The following TEX11 variants were observed in gnomAD, a reference collection of about 807,000 sequenced individuals.
TEX11 encodes testis expressed 11, also known as testis-expressed protein 11.
TEX11 carries 7 observed loss-of-function variants against 84.4 expected under a neutral mutation model. That is an observed-to-expected ratio of 0.08 (90% CI 0.05 to 0.16). The LOEUF (loss-of-function observed/expected upper bound fraction) is 0.16. Ranked by LOEUF, TEX11 falls within the 10% of genes least tolerant of loss-of-function variation. TEX11 has a pLI of 1.00. For synonymous variants in TEX11, 264 were observed against 222.8 expected (o/e 1.18, Z -1.64); for missense variants, 551 against 660.5 (o/e 0.83, Z 1.82).
At chrX:70,650,241 A>G (rs2089795674) in intron 17 of TEX11, among the ~76,000 whole-genome samples, 1 of 111,169 alleles carries the variant, frequency 9.0e-6, no homozygotes. Context: ...AATTTTTAAC[A>G]TATATAAACC....
intron 2 of TEX11, among the ~76,000 whole-genome samples, chrX:70,890,470 C>T (rs193175138): frequency 7.8e-4 from 88 of 112,126 alleles, no homozygotes; most frequent in African/African-American, 2.7e-3. Flanking sequence ...CCATGACAGA[C>T]GGTACCTGGA....
At chrX:70,688,710 G>T (rs901498447) in intron 13 of TEX11, among the ~76,000 whole-genome samples, 1 of 107,819 alleles carries the variant, frequency 9.3e-6, no homozygotes, top group African/African-American at 3.4e-5. Flanking sequence ...AAAATCCACA[G>T]GACTTTACCA....
At chrX:70,664,666 T>C (rs1358716482) in intron 16 of TEX11, among the ~76,000 whole-genome samples, 1 of 110,959 alleles carries the variant, frequency 9.0e-6, no homozygotes, top group African/African-American at 3.3e-5. Context: ...TTCTACTTAT[T>C]CTATAGTGCT....
intron 12 of TEX11, among the ~76,000 whole-genome samples, chrX:70,725,050 TAA>T: frequency 9.5e-6 from 1 of 105,150 alleles, no homozygotes; most frequent in African/African-American, 3.4e-5. Flanking sequence ...CAGCTTTTTT[TAA>T]AAAAAAAAAC....
chrX:70,740,983 T>C (rs1328318967), intron 10 of TEX11, among the ~76,000 whole-genome samples, 187 bp from the exon 11 acceptor site: 2 of 111,428 alleles, frequency 1.8e-5, no homozygotes, highest in Non-Finnish European at 3.8e-5. Flanking sequence ...TAAAATATTG[T>C]CTAAGAATGT....
chrX:70,715,490 C>G (rs2090488938), intron 13 of TEX11, among the ~76,000 whole-genome samples: 1 of 111,492 alleles, frequency 9.0e-6, no homozygotes, highest in African/African-American at 3.3e-5. Flanking sequence ...TTTTTCATTT[C>G]TTTGTATTCT....
At chrX:70,676,407 T>C (rs1341713746) in intron 15 of TEX11, among the ~76,000 whole-genome samples, 1 of 112,462 alleles carries the variant, frequency 8.9e-6, no homozygotes, top group African/African-American at 3.2e-5. Context: ...TCTTTCATTA[T>C]TTTAAAGATG....
intron 4 of TEX11, among the ~76,000 whole-genome samples, chrX:70,872,501 T>A (rs2091634632): frequency 8.9e-6 from 1 of 112,477 alleles, no homozygotes; most frequent in Admixed American, 9.4e-5. Context: ...GTATGTTACT[T>A]CAATGTATCC....
intron 17 of TEX11, among the ~76,000 whole-genome samples, chrX:70,645,081 C>A (rs941897742): frequency 2.7e-4 from 30 of 109,105 alleles, no homozygotes; most frequent in Non-Finnish European, 4.2e-4. Context: ...CATATAAAAC[C>A]GAGATGGAAT....
At chrX:70,810,113 A>G (rs2091243531) in intron 8 of TEX11, among the ~76,000 whole-genome samples, 1 of 111,825 alleles carries the variant, frequency 8.9e-6, no homozygotes, top group Non-Finnish European at 1.9e-5. Context: ...ACGACAGTTA[A>G]AATGGTGATC....
At chrX:70,597,684 G>A (rs1207698811) in intron 24 of TEX11, among the ~76,000 whole-genome samples, 1 of 111,337 alleles carries the variant, frequency 9.0e-6, no homozygotes, top group African/African-American at 3.3e-5. Context: ...AAAACATTGA[G>A]GTAAACCTTC....
At chrX:70,844,623 A>T (rs920405990) in intron 7 of TEX11, among the ~76,000 whole-genome samples, 7 of 110,131 alleles carry the variant, frequency 6.4e-5, no homozygotes, top group Non-Finnish European at 9.5e-5. Context: ...ATAATAAAAT[A>T]AAAAAAAAGA....
At chrX:70,876,560 A>G (rs965686898) in intron 3 of TEX11, among the ~76,000 whole-genome samples, 4 of 111,799 alleles carry the variant, frequency 3.6e-5, no homozygotes, top group African/African-American at 1.3e-4. Flanking sequence ...ACAGAAGTAA[A>G]TAATATGAAG....
intron 28 of TEX11, among the ~76,000 whole-genome samples, chrX:70,541,313 G>A (rs1569316014): frequency 2.7e-5 from 3 of 111,836 alleles, no homozygotes; most frequent in East Asian, 2.8e-4. Context: ...TAGATTTGCG[G>A]TTGTCAGGGT....
intron 2 of TEX11, among the ~76,000 whole-genome samples, chrX:70,904,379 T>C (rs989619452): frequency 8.1e-5 from 9 of 111,701 alleles, no homozygotes; most frequent in African/African-American, 2.6e-4. Context: ...GATGATAACA[T>C]TTGGGAAAAT....
intron 13 of TEX11, among the ~76,000 whole-genome samples, chrX:70,692,409 C>T (rs1366484201): frequency 2.7e-5 from 3 of 110,861 alleles, no homozygotes; most frequent in Non-Finnish European, 3.8e-5. Flanking sequence ...AAACTTTATA[C>T]GTATTGAGCA....
At chrX:70,590,658 T>C (rs1288429549) in intron 25 of TEX11, among the ~76,000 whole-genome samples, 3 of 112,193 alleles carry the variant, frequency 2.7e-5, no homozygotes, top group African/African-American at 9.7e-5. Context: ...CCATATTTAA[T>C]CAGGAAATAG....
chrX:70,639,621 A>G (rs1161658576), intron 17 of TEX11, among the ~76,000 whole-genome samples: 1 of 111,499 alleles, frequency 9.0e-6, no homozygotes, highest in Non-Finnish European at 1.9e-5. Context: ...CCTGACCCCC[A>G]AGCAGCCTAA....
At chrX:70,720,773 A>AATAT (rs58118818) in intron 13 of TEX11, among the ~76,000 whole-genome samples, 1,014 of 96,220 alleles carry the variant, frequency 0.011, 18 homozygotes, top group African/African-American at 0.034. Flanking sequence ...ACATATATAT[A>AATAT]ATATATATAT....
Sources: gnomAD v4.1 joint callset for allele counts (sites outside exome capture counted in the v4.1 genomes callset) on GRCh38, gnomAD v4.1.1 for gene constraint, MANE v1.5 for transcripts, NCBI Gene and HGNC (gene_info 2026-07-23, HGNC 2026-07-21) for gene names.